Variants in RBFOX3 observed in about 807,000 individuals in gnomAD.
RBFOX3 encodes the protein RNA binding protein fox-1 homolog 3.
Under a neutral mutation model 48.7 loss-of-function variants are expected in RBFOX3, and 17 were observed. That is an observed-to-expected ratio of 0.35 (90% CI 0.24 to 0.52). RBFOX3 has a LOEUF of 0.52. Among genes scored for constraint, RBFOX3 ranks in the 20% least tolerant of loss-of-function variants. The pLI is 0.94. For missense variants in RBFOX3, 382 were observed against 497.5 expected (o/e 0.77, Z 2.21); for synonymous variants, 212 against 209.5 (o/e 1.01, Z -0.10).
the RBFOX3 span, among the ~76,000 whole-genome samples, chr17:79,627,645 T>C: frequency 6.6e-6 from 1 of 152,176 alleles, no homozygotes; most frequent in African/African-American, 2.4e-5. Flanking sequence ...CAAAACCTCT[T>C]CCTGCTTCTC....
intron 4 of RBFOX3, among the ~76,000 whole-genome samples, chr17:79,145,974 A>G (rs2042958544): frequency 6.6e-6 from 1 of 152,168 alleles, no homozygotes; most frequent in Non-Finnish European, 1.5e-5. Context: ...ACTTCAGATC[A>G]TCAGGCATTA....
chr17:79,612,338 G>A (rs1176380136), upstream of RBFOX3, among the ~76,000 whole-genome samples: 1 of 152,108 alleles, frequency 6.6e-6, no homozygotes, highest in East Asian at 1.9e-4. Flanking sequence ...GCACCTGACT[G>A]TCCTGCTTTT....
chr17:79,336,857 C>A (rs939373360), intron 2 of RBFOX3, among the ~76,000 whole-genome samples: 1 of 152,206 alleles, frequency 6.6e-6, no homozygotes. Flanking sequence ...AGGTGGCTCA[C>A]GCCTGTAATC....
chr17:79,584,225 C>T (rs896815850), intron 1 of RBFOX3, among the ~76,000 whole-genome samples: 2 of 152,162 alleles, frequency 1.3e-5, no homozygotes, highest in Non-Finnish European at 2.9e-5. Flanking sequence ...TGGCCATACC[C>T]AACCAATCAA....
chr17:79,149,140 G>T (rs1207852139), intron 4 of RBFOX3, among the ~76,000 whole-genome samples: 1 of 152,176 alleles, frequency 6.6e-6, no homozygotes, highest in Non-Finnish European at 1.5e-5. Flanking sequence ...CCCAGGCTGG[G>T]ACCCCCGCTG....
intron 1 of RBFOX3, among the ~76,000 whole-genome samples, chr17:79,512,659 G>A (rs1285216443): frequency 2.2e-5 from 3 of 138,484 alleles, no homozygotes; most frequent in Admixed American, 7.1e-5. Flanking sequence ...CCCATGGCCA[G>A]GGGACACCCA....
intron 4 of RBFOX3, among the ~76,000 whole-genome samples, chr17:79,209,874 G>A (rs1031405534): frequency 6.6e-6 from 1 of 152,040 alleles, no homozygotes; most frequent in Non-Finnish European, 1.5e-5. Flanking sequence ...GTGGCCGCCT[G>A]TAGTCCCAGC....
intron 1 of RBFOX3, among the ~76,000 whole-genome samples, chr17:79,610,609 G>T (rs1450913737): frequency 1.3e-5 from 2 of 151,926 alleles, no homozygotes; most frequent in African/African-American, 4.8e-5. Context: ...CCCAGCCCCG[G>T]AGGGACCCAG....
chr17:79,585,630 A>T (rs2093224997), intron 1 of RBFOX3, among the ~76,000 whole-genome samples: 1 of 152,124 alleles, frequency 6.6e-6, no homozygotes, highest in Non-Finnish European at 1.5e-5. Context: ...AATATTCAGG[A>T]GGAGGGGCCT....
chr17:79,121,667 C>T (rs7225353), intron 4 of RBFOX3, among the ~76,000 whole-genome samples: 107,761 of 151,952 alleles, frequency 0.71, 38,532 homozygotes, highest in East Asian at 0.84. Context: ...GGAGACACTT[C>T]TCTTGGCTGC....
intron 4 of RBFOX3, among the ~76,000 whole-genome samples, chr17:79,139,580 T>C (rs1599629079): frequency 6.6e-6 from 1 of 152,042 alleles, no homozygotes; most frequent in Non-Finnish European, 1.5e-5. Context: ...GCAGGCAGGG[T>C]CACAGCTCCA....
chr17:79,588,584 G>C (rs1201371678), intron 1 of RBFOX3, among the ~76,000 whole-genome samples: 3 of 152,164 alleles, frequency 2.0e-5, no homozygotes, highest in African/African-American at 7.2e-5. Flanking sequence ...CTTCACTGCT[G>C]TTTGCTTCCC....
At chr17:79,109,365 G>A (rs776405643) in intron 5 of RBFOX3, among the ~76,000 whole-genome samples, 3 of 152,180 alleles carry the variant, frequency 2.0e-5, no homozygotes, top group Admixed American at 6.5e-5. Flanking sequence ...CTGGCATCAC[G>A]TCCCCAGTGA....
intron 2 of RBFOX3, among the ~76,000 whole-genome samples, chr17:79,417,932 G>A (rs2065659330): frequency 6.6e-6 from 1 of 152,222 alleles, no homozygotes; most frequent in Non-Finnish European, 1.5e-5. Flanking sequence ...GAGAACCCTG[G>A]GGACATGACG....
intron 4 of RBFOX3, among the ~76,000 whole-genome samples, chr17:79,174,738 CACAT>C (rs2145864127): frequency 6.6e-6 from 1 of 152,318 alleles, no homozygotes; most frequent in South Asian, 2.1e-4. Context: ...TTCACACGCA[CACAT>C]ACACTGACGC....
intron 2 of RBFOX3, among the ~76,000 whole-genome samples, chr17:79,357,499 C>T (rs943766525): frequency 4.6e-5 from 7 of 152,050 alleles, no homozygotes; most frequent in Non-Finnish European, 8.8e-5. Context: ...GGTGTGGTGG[C>T]GCACGCCTGT....
chr17:79,154,567 G>A (rs182140656), intron 4 of RBFOX3, among the ~76,000 whole-genome samples: 11 of 152,352 alleles, frequency 7.2e-5, no homozygotes, highest in African/African-American at 2.2e-4. Context: ...AGGTCTGGCT[G>A]AGGGCAGACA....
intron 1 of RBFOX3, among the ~76,000 whole-genome samples, chr17:79,508,567 T>G (rs1372167624): frequency 8.6e-5 from 13 of 150,376 alleles, no homozygotes; most frequent in Non-Finnish European, 1.5e-4. Context: ...CTGACTGGAG[T>G]TTTAATGACT....
chr17:79,594,347 A>C (rs1358062034), intron 1 of RBFOX3, among the ~76,000 whole-genome samples: 6 of 152,208 alleles, frequency 3.9e-5, no homozygotes, highest in Non-Finnish European at 5.9e-5. Flanking sequence ...ACAAACAAGA[A>C]GTGGAAGACA....
Sources: allele counts gnomAD v4.1 joint callset (sites outside exome capture counted in the v4.1 genomes callset), GRCh38; gene constraint gnomAD v4.1.1; transcripts MANE v1.5; gene names NCBI Gene and HGNC (gene_info 2026-07-23, HGNC 2026-07-21).